LEPROTL1: variants seen among roughly 807,000 people sequenced by gnomAD.
LEPROTL1 encodes leptin receptor overlapping transcript like 1.
A neutral mutation model predicts 15.4 loss-of-function variants in LEPROTL1; 6 were observed. The observed-to-expected ratio is 0.39, with a 90% CI of 0.21 to 0.77. LEPROTL1 has a LOEUF of 0.77. Ranked by LOEUF, LEPROTL1 falls within the 30% of genes least tolerant of loss-of-function variation. LEPROTL1 has a pLI of 0.41. For synonymous variants in LEPROTL1, 56 were observed against 52.6 expected (o/e 1.06, Z -0.28); for missense variants, 128 against 158.1 (o/e 0.81, Z 1.02).
chr8:30,114,862 A>G (rs1301820606), intron 3 of LEPROTL1, among the ~76,000 whole-genome samples: 1 of 152,164 alleles, frequency 6.6e-6, no homozygotes, highest in Non-Finnish European at 1.5e-5. Context: ...GGAGGCCTCC[A>G]TGGTGGCTGT....
intron 4 of LEPROTL1, among the ~76,000 whole-genome samples, chr8:30,136,877 G>A (rs183366254): frequency 2.1e-4 from 32 of 152,130 alleles, no homozygotes; most frequent in African/African-American, 6.3e-4. Flanking sequence ...TAGCAGAGAC[G>A]GGGTTTTGCC....
At chr8:30,113,126 A>C (rs1316869653), downstream of LEPROTL1, among the ~76,000 whole-genome samples, 2 of 147,072 alleles carry the variant, frequency 1.4e-5, no homozygotes, top group Non-Finnish European at 3.0e-5. Context: ...AAAAAAAAAA[A>C]TTAGCCGGGT....
At chr8:30,122,967 G>A (rs1182815306) in intron 3 of LEPROTL1, among the ~76,000 whole-genome samples, 4 of 152,096 alleles carry the variant, frequency 2.6e-5, no homozygotes, top group East Asian at 1.9e-4. Flanking sequence ...ATTTGGTCCT[G>A]TCTTAACAGT....
chr8:30,105,515 T>C (rs574821681), intron 3 of LEPROTL1, among the ~76,000 whole-genome samples: 354 of 148,776 alleles, frequency 2.4e-3, no homozygotes, highest in Non-Finnish European at 4.2e-3. Context: ...ACTTTTATAC[T>C]ATAAATATAT....
rs1247112685 is a variant in LEPROTL1 at position 30,107,985 on chromosome 8, G to C, written c.*2123G>C. Reference sequence around the variant, plus strand: ...TTACTTGAGATATGAATTTTCCATAGAATATGCACTGATACAATATTACCA... The same window carrying C: ...TTACTTGAGATATGAATTTTCCATACAATATGCACTGATACAATATTACCA... On this transcript the variant is annotated 3_prime_UTR_variant, in exon 4 of 4. Coordinates refer to ENST00000321250, the MANE Select transcript of LEPROTL1 (RefSeq NM_015344.3). 1.0e-6 allele frequency: 1 copy of C among 974,736 alleles called. No homozygotes were observed. The highest frequency in any genetic ancestry group is 1.2e-6 in the Non-Finnish European group (1 of 820,382). The allele number at this position is 974,736 out of a possible 1,614,324, so 60.4% of individuals were successfully genotyped here.
intron 2 of LEPROTL1, among the ~76,000 whole-genome samples, chr8:30,102,344 A>G (rs1036411514): frequency 7.5e-6 from 1 of 132,654 alleles, no homozygotes; most frequent in Non-Finnish European, 1.7e-5. Flanking sequence ...AAAAAAAAAG[A>G]GAGAGATGTA....
intron 3 of LEPROTL1, chr8:30,105,095 A>G (rs1384602637): frequency 6.6e-6 from 1 of 152,248 alleles, no homozygotes; most frequent in Non-Finnish European, 1.5e-5. Flanking sequence ...TGTAAAACCT[A>G]AAATATGGAA....
chr8:30,117,933 A>G (rs954497548), intron 3 of LEPROTL1, among the ~76,000 whole-genome samples: 2 of 152,136 alleles, frequency 1.3e-5, no homozygotes, highest in African/African-American at 4.8e-5. Flanking sequence ...GCTTATAGAC[A>G]TAAAGTTTAA....
In LEPROTL1 at chr8:30,106,499, A is replaced by T. The variant is rs1376597449; in HGVS notation, c.*637A>T. The T allele has an allele frequency of 1.0e-6, 1 of 985,752 alleles. No individual in the cohort carries two copies. Among genetic ancestry groups the T allele is most frequent in the African/African-American group, 1.7e-5 (1 of 57,246 alleles). The allele number at this position is 985,752 out of a possible 1,614,324, so 61.1% of individuals were successfully genotyped here. ...GGTAGACAGATGTTTTGTGGATTGA[A>T]AATTATTTTATGGAATTGCTACAGA... On this transcript the variant is annotated 3_prime_UTR_variant, in exon 4 of 4. Coordinates refer to ENST00000321250, the MANE Select transcript of LEPROTL1 (RefSeq NM_015344.3).
intron 3 of LEPROTL1, among the ~76,000 whole-genome samples, chr8:30,120,690 C>A (rs1346680149): frequency 6.6e-6 from 1 of 152,138 alleles, no homozygotes; most frequent in African/African-American, 2.4e-5. Context: ...GCCACCATGC[C>A]TGGCTAATTT....
rs572625960 is a variant in LEPROTL1, at chr8:30,117,728, C to T, written c.279+13242C>T. The T allele has an allele frequency of 1.6e-3, 1,813 of 1,126,228 alleles. 5 individuals carry two copies. Among genetic ancestry groups the T allele is most frequent in the South Asian group, 3.6e-3 (290 of 81,062 alleles). 69.8% of individuals were successfully genotyped at this position (1,126,228 alleles called of 1,614,324 possible). On this transcript the variant is annotated intron_variant, in intron 3 of 4. Transcript: ENST00000442880. ...CCTGGCTGGCGTTTGCCTCTCTTTT[C>T]GGCATTGTTGATGCTCTTGAGAGCA... is the stretch of plus-strand genomic sequence containing the variant.
intron 3 of LEPROTL1, among the ~76,000 whole-genome samples, chr8:30,127,141 G>T (rs968033632): frequency 6.6e-6 from 1 of 152,136 alleles, no homozygotes; most frequent in Non-Finnish European, 1.5e-5. Flanking sequence ...AATAATGAAG[G>T]CTATAGTTTC....
chr8:30,124,420 G>A (rs975840647), intron 3 of LEPROTL1, among the ~76,000 whole-genome samples: 15 of 152,110 alleles, frequency 9.9e-5, no homozygotes, highest in East Asian at 3.9e-4. Flanking sequence ...GTTCTGTTTC[G>A]TCCATGTATT....
chr8:30,131,630 T>C (rs1371033527), intron 3 of LEPROTL1, among the ~76,000 whole-genome samples: 1 of 152,148 alleles, frequency 6.6e-6, no homozygotes, highest in Non-Finnish European at 1.5e-5. Context: ...TGTCTATATA[T>C]AGAGCGTTTG....
chr8:30,137,246 A>C (rs1162559745), intron 4 of LEPROTL1: 2 of 1,513,504 alleles, frequency 1.3e-6, no homozygotes, highest in Non-Finnish European at 1.8e-6. Flanking sequence ...CTAGACTGTA[A>C]TTAGCTCTTG....
Position 30,107,844 on chromosome 8 carries a change from C to A in LEPROTL1, c.*1982C>A, listed in dbSNP as rs1014876573. 11 of 985,222 alleles carry A rather than the reference C, an allele frequency of 1.1e-5. No individual in the cohort carries two copies. The African/African-American group carries it at 1.9e-4, about 17-fold the overall frequency. The allele number at this position is 985,222 out of a possible 1,614,324, so 61.0% of individuals were successfully genotyped here. ...ACTGCTACTGTTTTATCCACTTGGCCACAGACTTTTTCTAACAGCTGCGTA... is the reference window on the plus strand; with the variant it reads ...ACTGCTACTGTTTTATCCACTTGGCAACAGACTTTTTCTAACAGCTGCGTA... On this transcript the variant is annotated 3_prime_UTR_variant, in exon 4 of 4. Transcript: ENST00000321250.
At chr8:30,099,638 C>T (rs974025701) in intron 1 of LEPROTL1, among the ~76,000 whole-genome samples, 1 of 139,966 alleles carries the variant, frequency 7.1e-6, no homozygotes, top group African/African-American at 2.7e-5. Context: ...AGCAAAAAAA[C>T]ACTTCACTGG....
chr8:30,105,816 T>C lies in LEPROTL1; in HGVS notation c.350T>C (p.Phe117Ser). 1 of 1,569,932 alleles carries C rather than the reference T, an allele frequency of 6.4e-7. No homozygotes were observed. Among genetic ancestry groups the C allele is most frequent in the Non-Finnish European group, 8.6e-7 (1 of 1,160,842 alleles). Reference sequence around the variant, plus strand: ...ATCTTTGCAACTATACTAGGCTTTTTCTTGGTCTTTGGAAGCAATGACGAC... The same window carrying C: ...ATCTTTGCAACTATACTAGGCTTTTCCTTGGTCTTTGGAAGCAATGACGAC... ...TVIFATILGF[F>S]LVFGSNDDFS... The change falls in exon 4 of 4, where the codon TTC (phenylalanine) becomes TCC (serine). Residue 117 changes from phenylalanine to serine, a missense_variant. Transcript: ENST00000321250.
chr8:30,122,338 G>T (rs1409780483), intron 3 of LEPROTL1, among the ~76,000 whole-genome samples: 1 of 152,108 alleles, frequency 6.6e-6, no homozygotes, highest in Admixed American at 6.6e-5. Flanking sequence ...TAGAGTCAGG[G>T]TGTCACTATG....
Sources: gnomAD v4.1 joint callset for allele counts (sites outside exome capture counted in the v4.1 genomes callset) on GRCh38, gnomAD v4.1.1 for gene constraint, MANE v1.5 for transcripts, NCBI Gene and HGNC (gene_info 2026-07-23, HGNC 2026-07-21) for gene names.